Variants in GLIS3 observed in about 807,000 individuals in gnomAD.
The protein encoded by GLIS3 is zinc finger protein GLIS3.
A neutral mutation model predicts 78.6 loss-of-function variants in GLIS3; 53 were observed. The ratio of observed to expected loss-of-function variants is 0.67; its 90% CI spans 0.54 to 0.85. The LOEUF is 0.85. GLIS3 is among the 40% of genes least tolerant of loss of function. GLIS3 has a pLI of 0.00. For missense variants in GLIS3, 1,703 were observed against 1,231.1 expected, an observed-to-expected ratio of 1.38 and a Z score of -5.74; for synonymous variants, 684 against 509.9, an observed-to-expected ratio of 1.34 and a Z score of -4.60.
At chr9:3,839,039 C>A (rs755899554) in intron 9 of GLIS3, among the ~76,000 whole-genome samples, 2 of 152,180 alleles carry the variant, frequency 1.3e-5, no homozygotes, top group African/African-American at 2.4e-5. Context: ...GGGAATCATA[C>A]ACTCACTACC....
chr9:4,464,266 T>C, the GLIS3 span, among the ~76,000 whole-genome samples: 1,626 of 152,244 alleles, frequency 0.011, 20 homozygotes, highest in African/African-American at 0.038. Flanking sequence ...CTTTGTAGCA[T>C]TTAATAAAAT....
chr9:4,271,503 G>A (rs1469282413), intron 2 of GLIS3, among the ~76,000 whole-genome samples: 2 of 152,180 alleles, frequency 1.3e-5, no homozygotes, highest in African/African-American at 4.8e-5. Flanking sequence ...CCAGGGAGAA[G>A]AATGAAGTGA....
chr9:4,355,156 A>AAAAAGT, the GLIS3 span, among the ~76,000 whole-genome samples: 1 of 151,916 alleles, frequency 6.6e-6, no homozygotes, highest in East Asian at 1.9e-4. Flanking sequence ...AAAGAAAAAG[A>AAAAAGT]AAAAAGAGAG....
At chr9:3,979,218 T>C (rs1051578932) in intron 4 of GLIS3, among the ~76,000 whole-genome samples, 1 of 152,194 alleles carries the variant, frequency 6.6e-6, no homozygotes, top group African/African-American at 2.4e-5. Flanking sequence ...CACAGCATCA[T>C]TCAAATCCTC....
At chr9:4,326,950 A>G (rs1206950103) in intron 2 of GLIS3, among the ~76,000 whole-genome samples, 1 of 152,190 alleles carries the variant, frequency 6.6e-6, no homozygotes, top group Non-Finnish European at 1.5e-5. Context: ...TTTAACAACA[A>G]CACATACTTA....
At chr9:4,022,096 A>G (rs767183629) in intron 4 of GLIS3, among the ~76,000 whole-genome samples, 2 of 152,234 alleles carry the variant, frequency 1.3e-5, no homozygotes, top group Non-Finnish European at 2.9e-5. Flanking sequence ...AAGACTTGCT[A>G]TGCCTAGGCA....
Position 3,870,857 on chromosome 9 carries a change from C to T in GLIS3, c.2297+8570G>A, listed in dbSNP as rs941658137. Among the ~76,000 whole-genome samples the T allele has an allele frequency of 7.9e-5, 12 of 152,364 alleles. No homozygotes were observed. In the East Asian group the frequency reaches 2.3e-3, roughly 29 times the overall value. The stretch of plus-strand genomic sequence containing the variant: ...CACATTTCAAAACCAATCATGCCTT[C>T]CTAACAGTTCCCCAAAGTCTTAACT... On this transcript the variant is annotated intron_variant, in intron 8 of 10. Transcript: ENST00000381971.
upstream of GLIS3, among the ~76,000 whole-genome samples, chr9:4,303,229 A>G (rs1244147591): frequency 1.3e-5 from 2 of 151,074 alleles, no homozygotes; most frequent in African/African-American, 4.9e-5. Flanking sequence ...AAGTTGAGCT[A>G]ATAGCACCAG....
intron 2 of GLIS3, among the ~76,000 whole-genome samples, chr9:4,235,112 C>A (rs892330983): frequency 3.3e-5 from 5 of 152,002 alleles, no homozygotes; most frequent in African/African-American, 1.2e-4. Flanking sequence ...TCCTGGCTAA[C>A]CCGGTGAAAC....
At chr9:4,260,836 CCT>C (rs1343257764) in intron 2 of GLIS3, among the ~76,000 whole-genome samples, 4 of 152,164 alleles carry the variant, frequency 2.6e-5, no homozygotes, top group Non-Finnish European at 5.9e-5. Context: ...TGGCCTGAAA[CCT>C]CTCTCTCTTT....
At chr9:3,983,048 T>C (rs1819431886) in intron 4 of GLIS3, among the ~76,000 whole-genome samples, 1 of 152,170 alleles carries the variant, frequency 6.6e-6, no homozygotes, top group Non-Finnish European at 1.5e-5. Flanking sequence ...GTTGGCTGTG[T>C]CCCCACCCAA....
upstream of GLIS3, among the ~76,000 whole-genome samples, chr9:4,353,260 C>T (rs1817997573): frequency 6.6e-6 from 1 of 152,184 alleles, no homozygotes; most frequent in Non-Finnish European, 1.5e-5. Context: ...AGGCTGGGTA[C>T]AGATGTCTGT....
At chr9:4,123,615 A>G (rs1832350182) in intron 3 of GLIS3, 2 of 373,736 alleles carry the variant, frequency 5.4e-6, no homozygotes, top group Admixed American at 4.5e-5. Context: ...TATGATGTTG[A>G]AAGAGGCTTT....
At chr9:3,973,078 A>G (rs138613063) in intron 4 of GLIS3, among the ~76,000 whole-genome samples, 57 of 152,314 alleles carry the variant, frequency 3.7e-4, no homozygotes, top group African/African-American at 1.2e-3. Context: ...TATCATATTC[A>G]TAGTTATGGT....
intron 2 of GLIS3, among the ~76,000 whole-genome samples, chr9:4,219,862 G>A (rs1041619996): frequency 2.0e-5 from 3 of 152,136 alleles, no homozygotes; most frequent in Admixed American, 1.3e-4. Flanking sequence ...AGAGAGCCTA[G>A]AAGCAATGAC....
chr9:4,419,230 G>C, the GLIS3 span, among the ~76,000 whole-genome samples: 4 of 152,108 alleles, frequency 2.6e-5, no homozygotes, highest in Admixed American at 6.5e-5. Context: ...TGCTCATCTG[G>C]GTTGAACAGC....
the GLIS3 span, among the ~76,000 whole-genome samples, chr9:4,374,587 C>G: frequency 6.6e-6 from 1 of 152,230 alleles, no homozygotes; most frequent in Non-Finnish European, 1.5e-5. Context: ...TCTTGGGGAA[C>G]TATTCCCCCT....
At chr9:4,200,186 C>T (rs1028279426) in intron 2 of GLIS3, among the ~76,000 whole-genome samples, 2 of 152,032 alleles carry the variant, frequency 1.3e-5, no homozygotes, top group African/African-American at 4.8e-5. Flanking sequence ...GTGCTAAACA[C>T]CTACCTTGCA....
At chr9:4,430,474 G>A in the GLIS3 span, among the ~76,000 whole-genome samples, 39 of 152,200 alleles carry the variant, frequency 2.6e-4, no homozygotes, top group African/African-American at 8.4e-4. Context: ...TATGTCTTTC[G>A]TGCAAAATAT....
Sources: allele counts gnomAD v4.1 joint callset (sites outside exome capture counted in the v4.1 genomes callset), GRCh38; gene constraint gnomAD v4.1.1; transcripts MANE v1.5; gene names NCBI Gene and HGNC (gene_info 2026-07-23, HGNC 2026-07-21).